The following ADGRL1 variants were observed in gnomAD, a reference collection of about 807,000 sequenced individuals.
ADGRL1 encodes the protein CIRL-1.
ADGRL1 carries 31 observed loss-of-function variants against 148.9 expected under a neutral mutation model. That is an observed-to-expected ratio of 0.21 (90% CI 0.16 to 0.28). The LOEUF is 0.28. Ranked by LOEUF, ADGRL1 falls within the 10% of genes least tolerant of loss-of-function variation. The pLI is 1.00. For missense variants in ADGRL1, 1,521 were observed against 2,058.8 expected (o/e 0.74, Z 5.05); for synonymous variants, 937 against 900.3 (o/e 1.04, Z -0.73).
intron 1 of ADGRL1, among the ~76,000 whole-genome samples, chr19:14,189,226 T>A (rs934400258): frequency 6.6e-6 from 1 of 151,322 alleles, no homozygotes; most frequent in African/African-American, 2.4e-5. Context: ...TTTTTTTTTT[T>A]TTTTTCCCAG....
intron 1 of ADGRL1, among the ~76,000 whole-genome samples, chr19:14,199,009 G>A (rs181382183): frequency 6.6e-6 from 1 of 152,370 alleles, no homozygotes; most frequent in African/African-American, 2.4e-5. Context: ...AGAGGGCACA[G>A]AGGCGGGATC....
At position 14,177,540 on chromosome 19, in the gene ADGRL1, A is replaced by G; in HGVS notation, c.275T>C (p.Met92Thr). Residue 92 changes from methionine to threonine, a missense_variant, in exon 3 of 23, where the codon ATG becomes ACG. Around this residue, in one of 8 missense-constraint regions of ADGRL1, gnomAD observed 334 missense variants for 512.5 expected, o/e 0.65. Transcript: ENST00000361434. Reference sequence around the variant, plus strand: ...ACGAGAGCCCACTCACCTCTGTGACATGATCTTGAAGGCGTCCGGCAGGTA... The same window carrying G: ...ACGAGAGCCCACTCACCTCTGTGACGTGATCTTGAAGGCGTCCGGCAGGTA... ...QCYLPDAFKI[M>T]SQRCNNRTQC... 1 of 1,614,116 alleles carries G rather than the reference A, an allele frequency of 6.2e-7. No individual in the cohort carries two copies. The highest frequency in any genetic ancestry group is 8.5e-7 in the Non-Finnish European group (1 of 1,179,968).
intron 3 of ADGRL1, among the ~76,000 whole-genome samples, chr19:14,172,905 TTAC>T (rs1970576681): frequency 6.6e-6 from 1 of 152,182 alleles, no homozygotes; most frequent in Admixed American, 6.6e-5. Flanking sequence ...TAACAATATT[TTAC>T]TACTAAAAAT....
rs1204852860 is a variant in ADGRL1 at position 14,160,844 on chromosome 19, CG to C, written c.1511-149del. 1.5e-6 allele frequency: 1 copy of C among 673,160 alleles called. No individual in the cohort carries two copies. Among genetic ancestry groups the C allele is most frequent in the Non-Finnish European group, 2.7e-6 (1 of 371,548 alleles). The allele number at this position is 673,160 out of a possible 1,614,324, so 41.7% of individuals were successfully genotyped here. A position where few individuals can be genotyped will look rare whatever the true frequency, so the allele number is the denominator to read the frequency against. On this transcript the variant is annotated intron_variant, in intron 6 of 22. Coordinates refer to ENST00000361434, the MANE Select transcript of ADGRL1 (RefSeq NM_014921.5). This position sits in a 1 kb window ranked among gnomAD's most constrained non-coding sequence, Gnocchi z 5.9. Reference sequence around the variant, plus strand: ...GAAACACGGAGAAACAGACATGAAGCGGGCTGGACAGTCGAAAGAGGCGCCA... The same window carrying C: ...GAAACACGGAGAAACAGACATGAAGCGGCTGGACAGTCGAAAGAGGCGCCA...
chr19:14,152,756 C>T lies in ADGRL1; in HGVS notation c.3423+28G>A, dbSNP rs1968341107. On this transcript the variant is annotated intron_variant, in intron 19 of 22. Coordinates refer to ENST00000361434, the MANE Select transcript of ADGRL1 (RefSeq NM_014921.5). This position sits in a 1 kb window ranked among gnomAD's most constrained non-coding sequence, Gnocchi z 6.1. ...TCAGGCTCCAGGTTCCAACACTCAG[C>T]CCCAGGGAGTCCTGTCTGGCCCGAT... The T allele has an allele frequency of 6.2e-7, 1 of 1,612,478 alleles. No homozygotes were observed. Among genetic ancestry groups the T allele is most frequent in the South Asian group, 1.1e-5 (1 of 90,876 alleles).
intron 15 of ADGRL1, 67 bp downstream of exon 15, chr19:14,156,858 G>C (rs1173517655): frequency 6.4e-7 from 1 of 1,564,904 alleles, no homozygotes; most frequent in African/African-American, 1.4e-5. Context: ...TGAGGGTCCT[G>C]GTCCAAGGGG....
chr19:14,199,203 G>A (rs1972448997), intron 1 of ADGRL1, among the ~76,000 whole-genome samples: 1 of 152,330 alleles, frequency 6.6e-6, no homozygotes, highest in South Asian at 2.1e-4. Context: ...TCTCAATTCT[G>A]TCTCTCCACG....
chr19:14,157,160 G>A lies in ADGRL1; in HGVS notation c.2746-15C>T, dbSNP rs747785771. On this transcript the variant is annotated splice_polypyrimidine_tract_variant and intron_variant, in intron 14 of 22. Transcript: ENST00000361434. The surrounding 1 kb of genome is among the most constrained non-coding windows in gnomAD (Gnocchi z 7.5). Reference sequence around the variant, plus strand: ...GGGCAGGCAATCTGCGGGGAGCACTGAGGGTGAGGGGCTGCTGCCTGGACA... The same window carrying A: ...GGGCAGGCAATCTGCGGGGAGCACTAAGGGTGAGGGGCTGCTGCCTGGACA... The A allele has an allele frequency of 6.2e-7, 1 of 1,613,804 alleles. No homozygotes were observed. The highest frequency in any genetic ancestry group is 8.5e-7 in the Non-Finnish European group (1 of 1,179,844).
At chr19:14,163,939 G>A (rs542718857) in intron 4 of ADGRL1, among the ~76,000 whole-genome samples, 11 of 149,160 alleles carry the variant, frequency 7.4e-5, no homozygotes, top group Non-Finnish European at 1.5e-4. Flanking sequence ...AACCACACCC[G>A]GACAGTGTTT....
chr19:14,166,582 AAG>A (rs3036177), intron 4 of ADGRL1, among the ~76,000 whole-genome samples: 15,163 of 146,204 alleles, frequency 0.1, 879 homozygotes, highest in Admixed American at 0.18. Flanking sequence ...GAGAGAGAGA[AAG>A]AGAGAGAGAG....
chr19:14,149,795 GGGGATGCA>G lies in ADGRL1; in HGVS notation c.*1070_*1077del. The G allele has an allele frequency of 6.6e-6, 1 of 152,586 alleles. No homozygotes were observed. Among genetic ancestry groups the G allele is most frequent in the East Asian group, 1.9e-4 (1 of 5,170 alleles). The allele number at this position is 152,586 out of a possible 1,614,324, so 9.5% of individuals were successfully genotyped here. ...CGGCCCGCCCGCCCCGGCGGGGACT[GGGGATGCA>G]CGTACACGGAGAAGTCCTGGCTGCC... is the stretch of plus-strand genomic sequence containing the variant. On this transcript the variant is annotated 3_prime_UTR_variant, in exon 23 of 23. Coordinates refer to ENST00000361434, the MANE Select transcript of ADGRL1 (RefSeq NM_014921.5).
intron 4 of ADGRL1, among the ~76,000 whole-genome samples, chr19:14,164,379 G>A (rs1969743920): frequency 6.6e-6 from 1 of 152,082 alleles, no homozygotes; most frequent in African/African-American, 2.4e-5. Flanking sequence ...GGGGCTTGGC[G>A]AGGTCCTGGC....
At chr19:14,182,526 G>A (rs1288698965) in intron 2 of ADGRL1, among the ~76,000 whole-genome samples, 2 of 152,228 alleles carry the variant, frequency 1.3e-5, no homozygotes, top group Admixed American at 6.5e-5. Context: ...GGTACCCCAG[G>A]GGTATGGCAG....
intron 18 of ADGRL1, among the ~76,000 whole-genome samples, chr19:14,154,805 C>T (rs1431079072): frequency 6.6e-6 from 1 of 151,366 alleles, no homozygotes; most frequent in Non-Finnish European, 1.5e-5. Context: ...TAAGTAGAGA[C>T]GGGGTTTCAC....
rs1217577992 is a variant in ADGRL1 at position 14,158,421 on chromosome 19, G to C, written c.2281C>G (p.Gln761Glu). Residue 761 changes from glutamine to glutamate, a missense_variant, in exon 12 of 23, where the codon CAG becomes GAG. By Grantham distance (29) the Gln-to-Glu change is conservative (BLOSUM62 2). Transcript: ENST00000361434. The stretch of plus-strand genomic sequence containing the variant: ...TTGTTGATGGATGCTGCGATGACCT[G>C]TGAGTTCACCACTAGAGAGGCGCCC... ...PGGASLVVNS[Q>E]VIAASINKES... The C allele has an allele frequency of 3.7e-6, 6 of 1,613,652 alleles. No homozygotes were observed. Among genetic ancestry groups the C allele is most frequent in the African/African-American group, 1.3e-5 (1 of 74,910 alleles).
chr19:14,189,918 C>T (rs992405889), intron 1 of ADGRL1, among the ~76,000 whole-genome samples: 3 of 152,162 alleles, frequency 2.0e-5, no homozygotes, highest in African/African-American at 7.2e-5. Context: ...TTCAAGAAAA[C>T]AGTATGCTAT....
chr19:14,197,676 G>C (rs1398533289), intron 1 of ADGRL1, among the ~76,000 whole-genome samples: 3 of 152,136 alleles, frequency 2.0e-5, no homozygotes, highest in Non-Finnish European at 2.9e-5. Flanking sequence ...CAGCACACAG[G>C]GTCTCTGTGT....
At position 14,149,922 on chromosome 19, in the gene ADGRL1, C is replaced by CTTTTTTTTTTTTTTTTTTCTTTTTT. The variant is rs71170598; in HGVS notation, c.*950_*951insAAAAAAGAAAAAAAAAAAAAAAAAA. The CTTTTTTTTTTTTTTTTTTCTTTTTT allele has an allele frequency of 8.2e-5, 10 of 122,692 alleles. No homozygotes were observed. Among genetic ancestry groups the CTTTTTTTTTTTTTTTTTTCTTTTTT allele is most frequent in the Non-Finnish European group, 1.7e-4 (10 of 57,764 alleles). The allele number at this position is 122,692 out of a possible 1,614,324, so 7.6% of individuals were successfully genotyped here. A position where few individuals can be genotyped will look rare whatever the true frequency, so the allele number is the denominator to read the frequency against. Reference sequence around the variant, plus strand: ...CAAGTGATGAGATTTTTTTTCTTTTCTTTTTTTTTTTTTTTGTCTTTTTTT... The same window carrying CTTTTTTTTTTTTTTTTTTCTTTTTT: ...CAAGTGATGAGATTTTTTTTCTTTTCTTTTTTTTTTTTTTTTTTCTTTTTTTTTTTTTTTTTTTTTGTCTTTTTTT... On this transcript the variant is annotated 3_prime_UTR_variant, in exon 23 of 23. Transcript: ENST00000361434.
In ADGRL1 at chr19:14,159,535, G is replaced by C. The variant is rs1230422077; in HGVS notation, c.1889C>G (p.Ser630Cys). ...DNLLRPEALESWKDMNATEQV... is the reference protein window; with the variant it reads ...DNLLRPEALECWKDMNATEQV... ...CTCCGTGGCATTCATGTCCTTCCAG[G>C]ACTCCAGAGCTTCTGGCCGGAGCAG... Residue 630 changes from serine to cysteine, a missense_variant, in exon 10 of 23, where the codon TCC becomes TGC. By Grantham distance (112) the Ser-to-Cys change is moderately radical. Coordinates refer to ENST00000361434, the MANE Select transcript of ADGRL1 (RefSeq NM_014921.5). This position sits in a 1 kb window ranked among gnomAD's most constrained non-coding sequence, Gnocchi z 6.0. The C allele has an allele frequency of 6.2e-7, 1 of 1,610,342 alleles. No individual in the cohort carries two copies. Among genetic ancestry groups the C allele is most frequent in the Admixed American group, 1.7e-5 (1 of 59,896 alleles).
Sources: allele counts gnomAD v4.1 joint callset (sites outside exome capture counted in the v4.1 genomes callset), GRCh38; gene constraint gnomAD v4.1.1; regional missense constraint gnomAD v4.1.1; non-coding constraint Gnocchi (gnomAD v3.1); transcripts MANE v1.5; gene names NCBI Gene and HGNC (gene_info 2026-07-23, HGNC 2026-07-21).